Variants in TPTE observed in about 807,000 individuals in gnomAD.
The protein encoded by TPTE is transmembrane phosphatase with tensin homology, also known as putative tyrosine-protein phosphatase TPTE.
Under a neutral mutation model 84.1 loss-of-function variants are expected in TPTE, and 59 were observed. The ratio of observed to expected loss-of-function variants is 0.70; its 90% CI spans 0.57 to 0.87. The LOEUF is 0.87. TPTE is among the 40% of genes least tolerant of loss of function. The pLI, the probability that TPTE is intolerant of heterozygous loss-of-function variation, is 0.00. For missense variants in TPTE, 382 were observed against 659.6 expected, an observed-to-expected ratio of 0.58 and a Z score of 4.61; for synonymous variants, 130 against 223.5, an observed-to-expected ratio of 0.58 and a Z score of 3.73.
chr21:10,601,318 C>T (rs1978473092), intron 21 of TPTE, among the ~76,000 whole-genome samples: 1 of 152,312 alleles, frequency 6.6e-6, no homozygotes, highest in Non-Finnish European at 1.5e-5. Context: ...TCCTGGTCAA[C>T]ATGGTGAAAC....
At chr21:10,523,592 C>T (rs1241251528) in intron 1 of TPTE, among the ~76,000 whole-genome samples, 1 of 152,296 alleles carries the variant, frequency 6.6e-6, no homozygotes, top group Non-Finnish European at 1.5e-5. Flanking sequence ...AGAATGATTT[C>T]CAATTTCATC....
chr21:10,524,554 A>T (rs1389464586), intron 1 of TPTE, 26 bp from the exon 2 acceptor site: 5 of 152,466 alleles, frequency 3.3e-5, no homozygotes, highest in African/African-American at 2.4e-5. Context: ...TGCTAACAGG[A>T]TCTTGATTAA....
intron 17 of TPTE, among the ~76,000 whole-genome samples, chr21:10,581,735 A>G (rs2075274973): frequency 6.6e-6 from 1 of 152,306 alleles, no homozygotes; most frequent in Admixed American, 6.5e-5. Flanking sequence ...AAGTTTGTAA[A>G]TTTTTGTTTT....
Position 10,569,555 on chromosome 21 carries a change from C to G in TPTE, c.666+19C>G, listed in dbSNP as rs1349170684. 2 of 1,613,770 alleles carry G rather than the reference C, an allele frequency of 1.2e-6. No individual in the cohort carries two copies. The highest frequency in any genetic ancestry group is 8.5e-7 in the Non-Finnish European group (1 of 1,179,798). On this transcript the variant is annotated intron_variant, in intron 12 of 23. Coordinates refer to ENST00000618007, the MANE Select transcript of TPTE (RefSeq NM_199261.4). Reference sequence around the variant, plus strand: ...AAGGCGGGTAAGTGGGCAAAACATGCTTATGATTCACAAAAATATTTTGTG... The same window carrying G: ...AAGGCGGGTAAGTGGGCAAAACATGGTTATGATTCACAAAAATATTTTGTG...
intron 10 of TPTE, among the ~76,000 whole-genome samples, chr21:10,561,987 C>T (rs1393360488): frequency 1.3e-5 from 2 of 152,308 alleles, no homozygotes; most frequent in Non-Finnish European, 2.9e-5. Context: ...TAGTGGTGGC[C>T]ACAGAGGTGC....
chr21:10,582,858 A>G lies in TPTE; in HGVS notation c.1027+4253A>G, dbSNP rs1393698453. ...AAGCAATTCTCATGCCTGTGCCTCC[A>G]GAGTAGCTGGGATTACAGGCATCCA... On this transcript the variant is annotated intron_variant, in intron 17 of 23. Coordinates refer to ENST00000618007, the MANE Select transcript of TPTE (RefSeq NM_199261.4). Among the ~76,000 whole-genome samples, 34 of 152,344 alleles carry G rather than the reference A, an allele frequency of 2.2e-4. No homozygotes were observed. The South Asian group carries it at 6.9e-3, about 31-fold the overall frequency.
At chr21:10,524,343 C>G (rs930413281) in intron 1 of TPTE, among the ~76,000 whole-genome samples, 1 of 152,310 alleles carries the variant, frequency 6.6e-6, no homozygotes, top group African/African-American at 2.4e-5. Context: ...AATTGACATT[C>G]CTTTCCCCTC....
In TPTE at chr21:10,592,388, T is replaced by A. The variant is rs747216073; in HGVS notation, c.1170+15T>A. On this transcript the variant is annotated intron_variant, in intron 19 of 23. Coordinates refer to ENST00000618007, the MANE Select transcript of TPTE (RefSeq NM_199261.4). ...CTCCTTCTCAGGTAAGTTTTCTTTTTAAAAATGGGAGTTTTTTTAGGGGTG... is the reference window on the plus strand; with the variant it reads ...CTCCTTCTCAGGTAAGTTTTCTTTTAAAAAATGGGAGTTTTTTTAGGGGTG... 3 of 1,611,488 alleles carry A rather than the reference T, an allele frequency of 1.9e-6. No individual in the cohort carries two copies. Among genetic ancestry groups the A allele is most frequent in the Non-Finnish European group, 2.5e-6 (3 of 1,178,166 alleles).
chr21:10,529,370 C>T (rs2074137295), intron 3 of TPTE, among the ~76,000 whole-genome samples: 1 of 152,304 alleles, frequency 6.6e-6, no homozygotes, highest in Non-Finnish European at 1.5e-5. Flanking sequence ...TCCATTTTCA[C>T]CAGGAGGACT....
At chr21:10,527,798 C>T (rs1391933936) in intron 3 of TPTE, among the ~76,000 whole-genome samples, 1 of 152,306 alleles carries the variant, frequency 6.6e-6, no homozygotes, top group Non-Finnish European at 1.5e-5. Context: ...TCAAAGCCAT[C>T]ATCACATTGG....
intron 7 of TPTE, among the ~76,000 whole-genome samples, 170 bp from the exon 8 acceptor site, chr21:10,552,487 T>G: frequency 6.6e-6 from 1 of 152,304 alleles, no homozygotes; most frequent in Non-Finnish European, 1.5e-5. Context: ...GAGTTTCTGG[T>G]TAATGATTGT....
At chr21:10,567,999 G>A (rs1189617307) in intron 11 of TPTE, among the ~76,000 whole-genome samples, 3 of 152,310 alleles carry the variant, frequency 2.0e-5, no homozygotes, top group Non-Finnish European at 4.4e-5. Flanking sequence ...TACAGGCTAA[G>A]TACCATTAAT....
chr21:10,525,791 G>T (rs1453862706), intron 2 of TPTE, among the ~76,000 whole-genome samples: 1 of 152,308 alleles, frequency 6.6e-6, no homozygotes, highest in Non-Finnish European at 1.5e-5. Flanking sequence ...CCCCAAAGCA[G>T]CTTATCAAAG....
At chr21:10,542,880 C>T (rs572982506) in intron 6 of TPTE, among the ~76,000 whole-genome samples, 34 of 152,396 alleles carry the variant, frequency 2.2e-4, no homozygotes, top group African/African-American at 8.2e-4. Context: ...TATTTGCCAC[C>T]CTTAGTTCCT....
chr21:10,542,464 T>G lies in TPTE; in HGVS notation c.119+16T>G, dbSNP rs781054222. ...CGAAAGAAAGGTGAGCAATAAATAG[T>G]TAAAGTCACCCGTCAGCATAAGTGT... On this transcript the variant is annotated intron_variant, in intron 6 of 23. Transcript: ENST00000618007. 6.2e-6 allele frequency: 10 copies of G among 1,609,330 alleles called. No homozygotes were observed. The highest frequency in any genetic ancestry group is 3.3e-5 in the South Asian group (3 of 90,982).
chr21:10,561,116 T>C lies in TPTE; in HGVS notation c.371T>C (p.Leu124Ser), dbSNP rs181214187. 1.2e-6 allele frequency: 2 copies of C among 1,611,988 alleles called. No homozygotes were observed. The highest frequency in any genetic ancestry group is 1.3e-5 in the African/African-American group (1 of 74,892). Reference sequence around the variant, plus strand: ...ACTGACAGCAAACTTTATATTCCTTTGGAGTATCGTTCTATTTCTCTAGCT... The same window carrying C: ...ACTGACAGCAAACTTTATATTCCTTCGGAGTATCGTTCTATTTCTCTAGCT... Reference protein sequence around the residue: ...IFTDSKLYIPLEYRSISLAIA... With the variant: ...IFTDSKLYIPSEYRSISLAIA... Residue 124 changes from leucine (L) to serine (S), a missense_variant, in exon 10 of 24, where the codon TTG becomes TCG. Physicochemically the swap from Leu to Ser is moderately radical, Grantham distance 145 (BLOSUM62 -2). Coordinates refer to ENST00000618007, the MANE Select transcript of TPTE (RefSeq NM_199261.4).
chr21:10,569,659 C>T (rs200701342), intron 12 of TPTE, 24 bp from the exon 13 acceptor site: 117 of 1,613,894 alleles, frequency 7.2e-5, no homozygotes, highest in Non-Finnish European at 5.9e-5. Context: ...GTTTCACAAA[C>T]TAATGACGAT....
At chr21:10,553,641 C>T (rs1266507144) in intron 8 of TPTE, among the ~76,000 whole-genome samples, 1 of 152,300 alleles carries the variant, frequency 6.6e-6, no homozygotes, top group African/African-American at 2.4e-5. Context: ...TACAAAGTCT[C>T]ATTACATAGA....
intron 17 of TPTE, among the ~76,000 whole-genome samples, chr21:10,579,173 A>C (rs1600944317): frequency 6.6e-6 from 1 of 152,430 alleles, no homozygotes; most frequent in East Asian, 1.9e-4. Context: ...ACTATGTTGT[A>C]CAATAAATTT....
Sources: gnomAD v4.1 joint callset for allele counts (sites outside exome capture counted in the v4.1 genomes callset) on GRCh38, gnomAD v4.1.1 for gene constraint, MANE v1.5 for transcripts, NCBI Gene and HGNC (gene_info 2026-07-23, HGNC 2026-07-21) for gene names.